The following USP50 variants were observed in gnomAD, a reference collection of about 807,000 sequenced individuals.
The protein encoded by USP50 is ubiquitin carboxyl-terminal hydrolase 50.
Under a neutral mutation model 39.2 loss-of-function variants are expected in USP50, and 37 were observed. The observed-to-expected ratio is 0.94, with a 90% CI of 0.73 to 1.24. USP50 has a LOEUF of 1.24. Among genes scored for constraint, USP50 ranks in the 50% most tolerant of loss-of-function variants. The probability of loss-of-function intolerance (pLI) is 0.00; values close to 1 mark genes in which losing one functional copy is unlikely to be tolerated. For synonymous variants in USP50, 139 were observed against 144.5 expected (o/e 0.96, Z 0.27); for missense variants, 374 against 398.2 (o/e 0.94, Z 0.52).
intron 6 of USP50, chr15:50,514,126 T>C (rs2052775046): frequency 1.3e-5 from 2 of 152,154 alleles, no homozygotes; most frequent in South Asian, 4.1e-4. Flanking sequence ...TGGATGAACA[T>C]TACATAATTT....
intron 5 of USP50, among the ~76,000 whole-genome samples, chr15:50,530,873 G>A (rs1169875529): frequency 6.6e-6 from 1 of 151,946 alleles, no homozygotes; most frequent in Admixed American, 6.6e-5. Flanking sequence ...AGCTAGCTCA[G>A]CTTTTCCTTA....
At chr15:50,508,054 T>TGCAA (rs1753685206) in intron 6 of USP50, 1 of 115,602 alleles carries the variant, frequency 8.7e-6, no homozygotes, top group African/African-American at 3.5e-5. Flanking sequence ...CGGGCGACAG[T>TGCAA]GCAAGACTCT....
chr15:50,498,875 AT>A (rs199819722), downstream of USP50: 24 of 1,560,722 alleles, frequency 1.5e-5, no homozygotes, highest in Middle Eastern at 1.7e-4. Context: ...AACTGAATTG[AT>A]TTTTTTTTCT....
chr15:50,509,709 G>GA (rs1162400069), intron 6 of USP50: 2 of 152,026 alleles, frequency 1.3e-5, no homozygotes, highest in Non-Finnish European at 2.9e-5. Flanking sequence ...AATTAAAAAT[G>GA]AAAAAACATG....
chr15:50,538,696 T>C lies in USP50; in HGVS notation c.803+13A>G. On this transcript the variant is annotated intron_variant, in intron 5 of 6. Coordinates refer to ENST00000532404, the MANE Select transcript of USP50 (RefSeq NM_203494.5). ...TCGAAAATATGTGCCCACAAAAATG[T>C]AAAAATCCATACCTTTTTAGGTGGA... 6.4e-7 allele frequency: 1 copy of C among 1,555,120 alleles called. No individual in the cohort carries two copies. The highest frequency in any genetic ancestry group is 1.2e-5 in the South Asian group (1 of 83,350).
intron 5 of USP50, chr15:50,532,169 C>A: frequency 2.2e-6 from 1 of 456,254 alleles, no homozygotes; most frequent in Non-Finnish European, 4.4e-6. Context: ...GTGAATTTTC[C>A]TTCCAGGAGC....
chr15:50,529,850 A>AAGGAG lies in USP50; in HGVS notation c.878_882dup (p.Tyr295LeufsTer20). The AAGGAG allele has an allele frequency of 6.2e-7, 1 of 1,613,972 alleles. No homozygotes were observed. Among genetic ancestry groups the AAGGAG allele is most frequent in the Non-Finnish European group, 8.5e-7 (1 of 1,179,880 alleles). On this transcript the variant is annotated frameshift_variant, in exon 6 of 7. Coordinates refer to ENST00000532404, the MANE Select transcript of USP50 (RefSeq NM_203494.5). LOFTEE classifies it high-confidence loss of function. ...TATTTCCGGAAAATTGAGCAAATAT[A>AAGGAG]AGGAGTGAGGTCCAAGTTAGTGAGT... is the stretch of plus-strand genomic sequence containing the variant.
At chr15:50,493,882 G>A (rs771199624), downstream of USP50, 32 of 770,988 alleles carry the variant, frequency 4.2e-5, no homozygotes, top group Non-Finnish European at 7.1e-5. Flanking sequence ...GCCAAAAGAA[G>A]GAAGCTGAAG....
At chr15:50,535,308 A>G (rs762426460) in intron 5 of USP50, among the ~76,000 whole-genome samples, 1 of 152,242 alleles carries the variant, frequency 6.6e-6, no homozygotes, top group Non-Finnish European at 1.5e-5. Context: ...ATCTGTCCAT[A>G]GATGTAATTG....
intron 1 of USP50, 56 bp downstream of exon 1, chr15:50,546,417 G>A: frequency 6.3e-7 from 1 of 1,594,494 alleles, no homozygotes. Context: ...ACTCCTCTGA[G>A]CTTGACTTTC....
At chr15:50,544,128 G>T (rs1009037820) in intron 2 of USP50, 3 of 292,676 alleles carry the variant, frequency 1.0e-5, no homozygotes, top group Admixed American at 9.1e-5. Context: ...ATCACTTGAG[G>T]CCAGGAGCTC....
intron 4 of USP50, among the ~76,000 whole-genome samples, chr15:50,539,925 G>C (rs75567126): frequency 0.014 from 2,156 of 152,296 alleles, 53 homozygotes; most frequent in African/African-American, 0.049. Flanking sequence ...GGAAGAAGAA[G>C]AAGAGCGCAG....
At chr15:50,500,370 TAAACACTGAATTTTG>T (rs1351826761), downstream of USP50, 13 of 159,522 alleles carry the variant, frequency 8.1e-5, no homozygotes, top group East Asian at 2.1e-3. Flanking sequence ...TATTTTCTGA[TAAACACTGAATTTTG>T]AAACCTGAAC....
At chr15:50,499,087 A>G (rs1347173640), downstream of USP50, 3 of 1,599,282 alleles carry the variant, frequency 1.9e-6, no homozygotes, top group South Asian at 2.2e-5. Context: ...GTAGCCACAT[A>G]AGGAGACATA....
Position 50,495,486 on chromosome 15 carries a change from A to T in USP50, n.185-1356T>A, listed in dbSNP as rs3784300. ...TTTTTCTTTTTTTAGTAGAGATTGG[A>T]GGGGGGGGTCTCACTATGTTGCACA... On this transcript the variant is annotated intron_variant and non_coding_transcript_variant, in intron 1 of 1. Coordinates refer to the USP50 transcript ENST00000560159. Among the ~76,000 whole-genome samples, 202 of 106,836 alleles carry T rather than the reference A, an allele frequency of 1.9e-3. 5 individuals carry two copies. Among genetic ancestry groups the T allele is most frequent in the African/African-American group, 6.7e-3 (196 of 29,250 alleles). 70.1% of individuals were successfully genotyped at this position (106,836 alleles called of 152,430 possible). A position where few individuals can be genotyped will look rare whatever the true frequency, so the allele number is the denominator to read the frequency against.
At chr15:50,515,399 G>A (rs1228260367) in intron 6 of USP50, among the ~76,000 whole-genome samples, 3 of 151,882 alleles carry the variant, frequency 2.0e-5, no homozygotes, top group African/African-American at 7.3e-5. Flanking sequence ...GTGCCACCAC[G>A]CCCGGCTAAT....
chr15:50,506,957 CAAAAAAAAAAAAAAAAAAA>C (rs58329541), intron 6 of USP50: 1 of 46,196 alleles, frequency 2.2e-5, no homozygotes, highest in African/African-American at 9.5e-5. Context: ...GACTTCATCT[CAAAAAAAAAAAAAAAAAAA>C]AAAAAAAAAA....
At chr15:50,542,777 CA>C (rs568380378) in intron 3 of USP50, among the ~76,000 whole-genome samples, 2 of 152,160 alleles carry the variant, frequency 1.3e-5, no homozygotes, top group African/African-American at 2.4e-5. Flanking sequence ...ACGCGAACCA[CA>C]GCGCCTGGCC....
chr15:50,517,345 G>A (rs181458613), intron 6 of USP50, among the ~76,000 whole-genome samples: 14 of 152,046 alleles, frequency 9.2e-5, no homozygotes, highest in East Asian at 1.9e-4. Context: ...GTTGGTGGGC[G>A]CCTGTAATCC....
Sources: gnomAD v4.1 joint callset for allele counts (sites outside exome capture counted in the v4.1 genomes callset) on GRCh38, gnomAD v4.1.1 for gene constraint, MANE v1.5 for transcripts, NCBI Gene and HGNC (gene_info 2026-07-23, HGNC 2026-07-21) for gene names.